EBF1: variants seen among roughly 807,000 people sequenced by gnomAD.
EBF1 encodes the protein EBF transcription factor 1, also known as transcription factor COE1.
EBF1 carries 10 observed loss-of-function variants against 68.4 expected under a neutral mutation model. That is an observed-to-expected ratio of 0.15 (90% CI 0.09 to 0.25). The LOEUF (loss-of-function observed/expected upper bound fraction) is 0.25. Among genes scored for constraint, EBF1 ranks in the 10% least tolerant of loss-of-function variants. EBF1 has a pLI of 1.00. For missense variants in EBF1, 509 were observed against 794.4 expected, an observed-to-expected ratio of 0.64 and a Z score of 4.32; for synonymous variants, 298 against 299.8, an observed-to-expected ratio of 0.99 and a Z score of 0.06.
intron 6 of EBF1, among the ~76,000 whole-genome samples, chr5:159,051,357 C>G (rs1208356914): frequency 7.0e-6 from 1 of 142,942 alleles, no homozygotes; most frequent in Admixed American, 6.9e-5. Flanking sequence ...CCCCAGCCCC[C>G]CAAACAAATC....
intron 8 of EBF1, among the ~76,000 whole-genome samples, chr5:158,818,893 TC>T (rs1238878383): frequency 6.6e-6 from 1 of 150,982 alleles, no homozygotes; most frequent in Non-Finnish European, 1.5e-5. Flanking sequence ...TGTTTTTTTT[TC>T]CAAATAAATA....
At chr5:158,969,127 C>G (rs368040846) in intron 6 of EBF1, among the ~76,000 whole-genome samples, 7 of 152,098 alleles carry the variant, frequency 4.6e-5, no homozygotes, top group African/African-American at 1.7e-4. Context: ...CATGGTAAAA[C>G]CCCATCTCTA....
intron 6 of EBF1, among the ~76,000 whole-genome samples, chr5:158,939,258 C>T (rs1052101835): frequency 6.6e-6 from 1 of 152,158 alleles, no homozygotes; most frequent in Admixed American, 6.5e-5. Context: ...GACTTATAGC[C>T]TAGACAGAGA....
At chr5:158,785,200 A>G (rs1350255576) in intron 9 of EBF1, among the ~76,000 whole-genome samples, 4 of 152,146 alleles carry the variant, frequency 2.6e-5, no homozygotes, top group Non-Finnish European at 5.9e-5. Flanking sequence ...ACCAAATCAA[A>G]CTACGGATTT....
intron 10 of EBF1, among the ~76,000 whole-genome samples, chr5:158,764,031 A>G (rs1163700470): frequency 6.6e-6 from 1 of 152,202 alleles, no homozygotes; most frequent in Admixed American, 6.5e-5. Flanking sequence ...TATGCCATGC[A>G]CTGTACTAAG....
intron 7 of EBF1, among the ~76,000 whole-genome samples, chr5:158,826,936 C>A (rs889284633): frequency 3.3e-5 from 5 of 152,262 alleles, no homozygotes; most frequent in Admixed American, 2.6e-4. Context: ...GAACTAGACA[C>A]AAAATTTCAT....
At chr5:158,854,068 G>C (rs1246433095) in intron 6 of EBF1, among the ~76,000 whole-genome samples, 1 of 152,176 alleles carries the variant, frequency 6.6e-6, no homozygotes, top group Non-Finnish European at 1.5e-5. Context: ...AGAGAAGCTG[G>C]AAATGCATAT....
intron 6 of EBF1, among the ~76,000 whole-genome samples, chr5:158,979,297 G>T (rs1757439954): frequency 6.6e-6 from 1 of 152,100 alleles, no homozygotes; most frequent in African/African-American, 2.4e-5. Flanking sequence ...TTCACTTAAG[G>T]TAAATATCAT....
chr5:158,753,898 G>A (rs548495793), intron 10 of EBF1, among the ~76,000 whole-genome samples: 1 of 151,976 alleles, frequency 6.6e-6, no homozygotes. Flanking sequence ...CAAAGTTGTT[G>A]TAGACCAAAT....
intron 6 of EBF1, among the ~76,000 whole-genome samples, chr5:159,063,310 A>G (rs1216446140): frequency 6.6e-6 from 1 of 152,172 alleles, no homozygotes; most frequent in Admixed American, 6.5e-5. Context: ...CTTAACCAAC[A>G]TGTAGACTGC....
At chr5:158,843,855 T>C (rs1790835627) in intron 6 of EBF1, among the ~76,000 whole-genome samples, 1 of 152,156 alleles carries the variant, frequency 6.6e-6, no homozygotes, top group South Asian at 2.1e-4. Context: ...GGGGGATGAC[T>C]TATCAGGCTA....
chr5:158,961,091 T>C (rs954291198), intron 6 of EBF1, among the ~76,000 whole-genome samples: 1 of 152,202 alleles, frequency 6.6e-6, no homozygotes, highest in South Asian at 2.1e-4. Flanking sequence ...TCGAGCTCAG[T>C]ATTCAACCTC....
At chr5:158,753,571 A>G (rs1769400207) in intron 10 of EBF1, among the ~76,000 whole-genome samples, 1 of 152,124 alleles carries the variant, frequency 6.6e-6, no homozygotes, top group Non-Finnish European at 1.5e-5. Flanking sequence ...CACCAGCTGG[A>G]AAGCAAATAA....
chr5:158,882,630 CACA>C (rs1204181364), intron 6 of EBF1, among the ~76,000 whole-genome samples: 1 of 152,150 alleles, frequency 6.6e-6, no homozygotes, highest in African/African-American at 2.4e-5. Flanking sequence ...CCAACCTTAT[CACA>C]ACAATGAGTC....
At chr5:159,043,828 C>T (rs184487765) in intron 6 of EBF1, among the ~76,000 whole-genome samples, 3 of 152,248 alleles carry the variant, frequency 2.0e-5, no homozygotes, top group East Asian at 3.9e-4. Context: ...GCTTCTGCTT[C>T]GGCTCACCAA....
chr5:158,712,077 C>A (rs1487045744), intron 14 of EBF1, 77 bp downstream of exon 14: 33 of 1,547,184 alleles, frequency 2.1e-5, no homozygotes, highest in Non-Finnish European at 2.5e-5. Context: ...AGAAGCCCTG[C>A]CCACTGGGCC....
intron 6 of EBF1, among the ~76,000 whole-genome samples, chr5:158,960,983 C>G (rs1386357753): frequency 6.6e-6 from 1 of 151,798 alleles, no homozygotes; most frequent in African/African-American, 2.4e-5. Flanking sequence ...TTTTTGAAAC[C>G]TAAATAAAAG....
At chr5:158,900,268 T>C (rs1354429045) in intron 6 of EBF1, among the ~76,000 whole-genome samples, 1 of 152,198 alleles carries the variant, frequency 6.6e-6, no homozygotes, top group Non-Finnish European at 1.5e-5. Context: ...TTCAAGGCCA[T>C]CTCCCTGGAG....
At chr5:158,746,495 A>G (rs562460974) in intron 10 of EBF1, among the ~76,000 whole-genome samples, 8 of 152,290 alleles carry the variant, frequency 5.3e-5, no homozygotes, top group East Asian at 1.9e-4. Context: ...TAGAAATGCC[A>G]TCTAGCGTTA....
Sources: allele counts gnomAD v4.1 joint callset (sites outside exome capture counted in the v4.1 genomes callset), GRCh38; gene constraint gnomAD v4.1.1; transcripts MANE v1.5; gene names NCBI Gene and HGNC (gene_info 2026-07-23, HGNC 2026-07-21).